The following KSR2 variants were observed in gnomAD, a reference collection of about 807,000 sequenced individuals.
The protein encoded by KSR2 is kinase suppressor of ras 2.
Under a neutral mutation model 107.8 loss-of-function variants are expected in KSR2, and 25 were observed. That is an observed-to-expected ratio of 0.23 (90% CI 0.17 to 0.32). The LOEUF (loss-of-function observed/expected upper bound fraction) is 0.32, where lower values mean the gene tolerates loss of function less well. KSR2 is among the 10% of genes least tolerant of loss of function. KSR2 has a pLI of 1.00. For missense variants in KSR2, 887 were observed against 1,268.9 expected (o/e 0.70, Z 4.57); for synonymous variants, 480 against 507.0 (o/e 0.95, Z 0.71).
chr12:117,671,806 A>C (rs1191799977), intron 4 of KSR2, among the ~76,000 whole-genome samples: 1 of 148,510 alleles, frequency 6.7e-6, no homozygotes. Flanking sequence ...ACCTCCCCCA[A>C]ACTCCCATCC....
intron 1 of KSR2, among the ~76,000 whole-genome samples, chr12:117,900,232 T>G (rs1466271197): frequency 6.6e-6 from 1 of 152,240 alleles, no homozygotes. Context: ...ACTCATTGAC[T>G]GTTACTCAAT....
At chr12:117,952,939 T>C (rs113970662) in intron 1 of KSR2, among the ~76,000 whole-genome samples, 2,400 of 141,542 alleles carry the variant, frequency 0.017, 70 homozygotes, top group African/African-American at 0.062. Flanking sequence ...TAGCCAAGAT[T>C]GCACCACTGT....
chr12:117,923,377 A>G (rs1009561137), intron 1 of KSR2, among the ~76,000 whole-genome samples: 2 of 152,210 alleles, frequency 1.3e-5, no homozygotes, highest in Admixed American at 1.3e-4. Context: ...AGGATTCAGG[A>G]AAACTTTATA....
chr12:117,724,331 G>T, intron 4 of KSR2, among the ~76,000 whole-genome samples: 1 of 133,044 alleles, frequency 7.5e-6, no homozygotes, highest in Middle Eastern at 4.1e-3. Flanking sequence ...AAAAAAAAAA[G>T]AAAAATAACA....
chr12:117,629,214 T>TC (rs1746850849), intron 5 of KSR2, among the ~76,000 whole-genome samples: 1 of 152,192 alleles, frequency 6.6e-6, no homozygotes, highest in South Asian at 2.1e-4. Flanking sequence ...GTGCCCACTG[T>TC]CCAACCAGTC....
chr12:117,821,251 A>G (rs938406703), intron 3 of KSR2, among the ~76,000 whole-genome samples: 6 of 152,086 alleles, frequency 3.9e-5, no homozygotes, highest in Non-Finnish European at 7.3e-5. Context: ...AGTTGATCCT[A>G]GAACAACACA....
intron 7 of KSR2, among the ~76,000 whole-genome samples, chr12:117,566,934 G>A (rs1439801217): frequency 6.6e-6 from 1 of 152,126 alleles, no homozygotes; most frequent in Non-Finnish European, 1.5e-5. Flanking sequence ...CAGATTTGGG[G>A]AGCTTATATT....
chr12:117,844,411 G>A (rs1892619741), intron 3 of KSR2, among the ~76,000 whole-genome samples: 1 of 151,504 alleles, frequency 6.6e-6, no homozygotes, highest in South Asian at 2.1e-4. Context: ...AGAAATTACT[G>A]AGTTTGCAGG....
chr12:117,858,266 A>G (rs1893166321), intron 2 of KSR2, among the ~76,000 whole-genome samples: 2 of 152,162 alleles, frequency 1.3e-5, no homozygotes, highest in African/African-American at 4.8e-5. Context: ...CACAAGTGGC[A>G]CTTGATATAT....
At chr12:117,562,431 G>A (rs1878190336) in intron 7 of KSR2, among the ~76,000 whole-genome samples, 1 of 152,146 alleles carries the variant, frequency 6.6e-6, no homozygotes, top group Non-Finnish European at 1.5e-5. Context: ...AGTCCAAGAA[G>A]TTTCTGCACT....
intron 5 of KSR2, among the ~76,000 whole-genome samples, chr12:117,636,179 C>T (rs991089395): frequency 5.3e-5 from 8 of 152,050 alleles, no homozygotes; most frequent in African/African-American, 1.7e-4. Context: ...ATCCATTCTA[C>T]AATACCACAT....
At chr12:117,718,138 G>A (rs761791333) in intron 4 of KSR2, among the ~76,000 whole-genome samples, 6 of 152,244 alleles carry the variant, frequency 3.9e-5, no homozygotes, top group Admixed American at 2.0e-4. Context: ...TAATGCATTC[G>A]AAAATTACTT....
At chr12:117,577,088 G>A (rs1196706899) in intron 7 of KSR2, among the ~76,000 whole-genome samples, 4 of 152,144 alleles carry the variant, frequency 2.6e-5, no homozygotes, top group Non-Finnish European at 5.9e-5. Flanking sequence ...AGTGGGTAGA[G>A]TGAGAGCTTG....
At chr12:117,920,421 A>G (rs953793710) in intron 1 of KSR2, among the ~76,000 whole-genome samples, 2 of 151,136 alleles carry the variant, frequency 1.3e-5, no homozygotes, top group African/African-American at 4.9e-5. Flanking sequence ...AACAATTTTA[A>G]TGAAAGAAAA....
At chr12:117,491,502 C>T (rs1173842083) in intron 14 of KSR2, among the ~76,000 whole-genome samples, 1 of 152,128 alleles carries the variant, frequency 6.6e-6, no homozygotes, top group Non-Finnish European at 1.5e-5. Context: ...TTTATGCCTG[C>T]CTTTTTTCAC....
chr12:117,692,643 A>G (rs1192333470), intron 4 of KSR2, among the ~76,000 whole-genome samples: 1 of 151,860 alleles, frequency 6.6e-6, no homozygotes, highest in African/African-American at 2.4e-5. Flanking sequence ...TAAAATATGG[A>G]AACAACCCAA....
intron 5 of KSR2, among the ~76,000 whole-genome samples, chr12:117,649,640 C>A (rs1555224699): frequency 6.6e-6 from 1 of 152,116 alleles, no homozygotes; most frequent in East Asian, 1.9e-4. Flanking sequence ...CCAGGCTTGT[C>A]CAACTCTCAG....
intron 5 of KSR2, among the ~76,000 whole-genome samples, chr12:117,651,695 T>C (rs574708602): frequency 6.6e-6 from 1 of 152,212 alleles, no homozygotes; most frequent in South Asian, 2.1e-4. Flanking sequence ...GAGGAAGAGA[T>C]CCAAAGGCTC....
At chr12:117,818,110 A>AT (rs1891438205) in intron 3 of KSR2, among the ~76,000 whole-genome samples, 2 of 84,160 alleles carry the variant, frequency 2.4e-5, no homozygotes, top group East Asian at 4.5e-4. Context: ...CAAAAAAATA[A>AT]AAAAAAAAAA....
Sources: allele counts gnomAD v4.1 joint callset (sites outside exome capture counted in the v4.1 genomes callset), GRCh38; gene constraint gnomAD v4.1.1; transcripts MANE v1.5; gene names NCBI Gene and HGNC (gene_info 2026-07-23, HGNC 2026-07-21).